The following MRPL1 variants were observed in gnomAD, a reference collection of about 807,000 sequenced individuals.
The protein encoded by MRPL1 is large ribosomal subunit protein uL1m.
Under a neutral mutation model 38.0 loss-of-function variants are expected in MRPL1, and 28 were observed. That is an observed-to-expected ratio of 0.74 (90% CI 0.55 to 1.01). The LOEUF (loss-of-function observed/expected upper bound fraction) is 1.01. MRPL1 is among the 50% of genes least tolerant of loss of function. The pLI is 0.00. For synonymous variants in MRPL1, 123 were observed against 126.7 expected (o/e 0.97, Z 0.20); for missense variants, 358 against 389.8 (o/e 0.92, Z 0.69).
intron 8 of MRPL1, 111 bp from the exon 9 acceptor site, chr4:77,952,378 G>GT (rs1737430820): frequency 1.3e-6 from 1 of 765,980 alleles, no homozygotes; most frequent in African/African-American, 1.8e-5. Flanking sequence ...TTTGCTTAAA[G>GT]TTGCAGTTTC....
At chr4:77,878,451 G>A (rs1009368469) in intron 2 of MRPL1, among the ~76,000 whole-genome samples, 1 of 151,960 alleles carries the variant, frequency 6.6e-6, no homozygotes, top group Non-Finnish European at 1.5e-5. Context: ...TTTTACAGAG[G>A]TTGTACGAAT....
chr4:77,888,784 A>T (rs1341350868), intron 5 of MRPL1, among the ~76,000 whole-genome samples: 1 of 152,132 alleles, frequency 6.6e-6, no homozygotes, highest in African/African-American at 2.4e-5. Context: ...ACGTATGTAT[A>T]TATGTACCAT....
chr4:77,902,116 A>G (rs1418197091), intron 6 of MRPL1, among the ~76,000 whole-genome samples: 1 of 152,254 alleles, frequency 6.6e-6, no homozygotes, highest in East Asian at 1.9e-4. Context: ...TCAAAGAAGA[A>G]ATGAAAGACT....
At chr4:77,929,375 G>T (rs1314670566) in intron 7 of MRPL1, among the ~76,000 whole-genome samples, 1 of 152,132 alleles carries the variant, frequency 6.6e-6, no homozygotes, top group Non-Finnish European at 1.5e-5. Flanking sequence ...AAGTGGATCT[G>T]AAAGATAATT....
chr4:77,952,454 T>C, intron 8 of MRPL1, 35 bp from the exon 9 acceptor site: 4 of 1,469,152 alleles, frequency 2.7e-6, no homozygotes, highest in Non-Finnish European at 3.8e-6. Flanking sequence ...TATTGCGATA[T>C]AAAAATCAAA....
chr4:77,897,438 G>C (rs1019932668), intron 6 of MRPL1, among the ~76,000 whole-genome samples: 3 of 152,182 alleles, frequency 2.0e-5, no homozygotes, highest in African/African-American at 7.2e-5. Context: ...AGGTACTGTG[G>C]CATATATGGG....
intron 1 of MRPL1, among the ~76,000 whole-genome samples, chr4:77,867,367 C>T (rs193061042): frequency 6.6e-6 from 1 of 152,232 alleles, no homozygotes; most frequent in Admixed American, 6.5e-5. Flanking sequence ...CCAATTTTTG[C>T]TCTCATTTGT....
chr4:77,900,875 G>A (rs999593908), intron 6 of MRPL1, among the ~76,000 whole-genome samples: 6 of 152,176 alleles, frequency 3.9e-5, no homozygotes, highest in Non-Finnish European at 7.3e-5. Flanking sequence ...GGCGATTACA[G>A]TAATCCAGGT....
At chr4:77,928,174 A>C (rs1736760673) in intron 7 of MRPL1, among the ~76,000 whole-genome samples, 1 of 152,226 alleles carries the variant, frequency 6.6e-6, no homozygotes, top group African/African-American at 2.4e-5. Flanking sequence ...AAAAATAAAC[A>C]AGTTCAGGAC....
At chr4:77,901,360 T>C (rs1279611149) in intron 6 of MRPL1, among the ~76,000 whole-genome samples, 1 of 151,180 alleles carries the variant, frequency 6.6e-6, no homozygotes, top group Non-Finnish European at 1.5e-5. Flanking sequence ...ACAAATAAGA[T>C]GAAACAAATA....
intron 1 of MRPL1, among the ~76,000 whole-genome samples, chr4:77,863,166 G>A (rs557876628): frequency 9.9e-4 from 151 of 152,262 alleles, no homozygotes; most frequent in African/African-American, 3.5e-3. Flanking sequence ...CTGATACTGG[G>A]GTGTGGGCTG....
At chr4:77,893,836 T>C (rs980485339) in intron 5 of MRPL1, among the ~76,000 whole-genome samples, 1 of 152,210 alleles carries the variant, frequency 6.6e-6, no homozygotes, top group African/African-American at 2.4e-5. Flanking sequence ...TTTGTGGGAT[T>C]CTGTAAGCCA....
At chr4:77,951,760 G>C (rs958579528) in intron 8 of MRPL1, among the ~76,000 whole-genome samples, 8 of 152,154 alleles carry the variant, frequency 5.3e-5, no homozygotes, top group African/African-American at 1.9e-4. Context: ...CCCAAAGGTG[G>C]CATGTTAGGT....
chr4:77,889,391 T>G (rs1735755834), intron 5 of MRPL1, among the ~76,000 whole-genome samples: 1 of 152,132 alleles, frequency 6.6e-6, no homozygotes. Context: ...ACTGGGTACA[T>G]AACGAAATGA....
chr4:77,920,404 C>A (rs1325891843), intron 7 of MRPL1, among the ~76,000 whole-genome samples: 1 of 152,064 alleles, frequency 6.6e-6, no homozygotes, highest in Non-Finnish European at 1.5e-5. Flanking sequence ...GGGTTCATAG[C>A]GTTTTTCAAA....
At chr4:77,918,349 G>T (rs1198618218) in intron 7 of MRPL1, among the ~76,000 whole-genome samples, 1 of 152,110 alleles carries the variant, frequency 6.6e-6, no homozygotes, top group East Asian at 1.9e-4. Context: ...TCAGCTCAGG[G>T]CTTCTTCGCT....
chr4:77,926,996 C>T (rs1397860541), intron 7 of MRPL1, among the ~76,000 whole-genome samples: 1 of 151,852 alleles, frequency 6.6e-6, no homozygotes, highest in Admixed American at 6.6e-5. Flanking sequence ...CTTTTAATAG[C>T]TCTTTGAAGT....
intron 7 of MRPL1, among the ~76,000 whole-genome samples, chr4:77,910,399 C>G (rs1009662230): frequency 6.6e-6 from 1 of 152,130 alleles, no homozygotes; most frequent in African/African-American, 2.4e-5. Context: ...TGAGCTGTGC[C>G]CACTGCAGGT....
chr4:77,891,717 A>G (rs1735811413), intron 5 of MRPL1, among the ~76,000 whole-genome samples: 1 of 152,258 alleles, frequency 6.6e-6, no homozygotes, highest in Non-Finnish European at 1.5e-5. Context: ...CTCAAGAAAG[A>G]AATGGTAATA....
Sources: gnomAD v4.1 joint callset for allele counts (sites outside exome capture counted in the v4.1 genomes callset) on GRCh38, gnomAD v4.1.1 for gene constraint, MANE v1.5 for transcripts, NCBI Gene and HGNC (gene_info 2026-07-23, HGNC 2026-07-21) for gene names.